SASH1: variants seen among roughly 807,000 people sequenced by gnomAD.
SASH1 encodes the protein SAM and SH3 domain-containing protein 1.
SASH1 carries 44 observed loss-of-function variants against 125.2 expected under a neutral mutation model. That is an observed-to-expected ratio of 0.35 (90% CI 0.28 to 0.45). The LOEUF (loss-of-function observed/expected upper bound fraction) is 0.45. Ranked by LOEUF, SASH1 falls within the 20% of genes least tolerant of loss-of-function variation. The probability of loss-of-function intolerance (pLI) is 1.00; values close to 1 mark genes in which losing one functional copy is unlikely to be tolerated. For synonymous variants in SASH1, 639 were observed against 649.1 expected (o/e 0.98, Z 0.24); for missense variants, 1,426 against 1,614.5 (o/e 0.88, Z 2.00).
At chr6:148,299,565 G>C (rs1023326995) in intron 1 of SASH1, among the ~76,000 whole-genome samples, 1 of 151,580 alleles carries the variant, frequency 6.6e-6, no homozygotes, top group Non-Finnish European at 1.5e-5. Flanking sequence ...TACTCGGGGG[G>C]CTCAGGAAGG....
intron 2 of SASH1, among the ~76,000 whole-genome samples, chr6:148,414,614 G>A (rs1359249993): frequency 6.6e-6 from 1 of 152,190 alleles, no homozygotes; most frequent in East Asian, 1.9e-4. Context: ...TGGAGCTGCA[G>A]CAGTGAGGGA....
chr6:148,362,018 A>G (rs1483034137), intron 1 of SASH1, among the ~76,000 whole-genome samples: 2 of 141,568 alleles, frequency 1.4e-5, no homozygotes, highest in Non-Finnish European at 3.0e-5. Context: ...GGTTCATGCC[A>G]TTCTCCTGCC....
chr6:148,378,830 A>G (rs1455863866), intron 1 of SASH1, among the ~76,000 whole-genome samples: 1 of 152,226 alleles, frequency 6.6e-6, no homozygotes, highest in Non-Finnish European at 1.5e-5. Context: ...ACAGAGGCAG[A>G]CACCATGCTA....
At position 148,508,580 on chromosome 6, in the gene SASH1, C is replaced by G. The variant is rs894501312; in HGVS notation, c.730-5744C>G. 1.1e-5 allele frequency: 13 copies of G among 1,132,040 alleles called. No individual in the cohort carries two copies. In the Admixed American group the frequency reaches 5.4e-4, roughly 47 times the overall value. 70.1% of individuals were successfully genotyped at this position (1,132,040 alleles called of 1,614,324 possible). On this transcript the variant is annotated intron_variant, in intron 8 of 19. Coordinates refer to ENST00000367467, the MANE Select transcript of SASH1 (RefSeq NM_015278.5). ...TAGGAGATTTGCTTAGAGCTGATGA[C>G]TTATGCCTTTCTTGCGAGTTATGCA...
At chr6:148,482,250 C>T (rs1318068458) in intron 7 of SASH1, among the ~76,000 whole-genome samples, 1 of 152,100 alleles carries the variant, frequency 6.6e-6, no homozygotes, top group East Asian at 1.9e-4. Context: ...ATGTCCTTTG[C>T]CATTTTAACT....
At chr6:148,213,320 C>G in the SASH1 span, among the ~76,000 whole-genome samples, 3 of 152,106 alleles carry the variant, frequency 2.0e-5, no homozygotes, top group Non-Finnish European at 4.4e-5. Context: ...TTCAGAGGCT[C>G]CTACCCACGA....
intron 2 of SASH1, among the ~76,000 whole-genome samples, chr6:148,415,684 GCAAT>G (rs1784792139): frequency 6.6e-6 from 1 of 152,088 alleles, no homozygotes; most frequent in Non-Finnish European, 1.5e-5. Flanking sequence ...AAGATTGATA[GCAAT>G]CACCTGAGAG....
At chr6:148,479,443 A>G (rs939655383) in intron 7 of SASH1, 10 of 204,298 alleles carry the variant, frequency 4.9e-5, no homozygotes, top group Non-Finnish European at 7.3e-5. Flanking sequence ...TGAATGTGAC[A>G]TGCCTAATCC....
intron 4 of SASH1, among the ~76,000 whole-genome samples, chr6:148,447,743 C>G (rs1776868699): frequency 6.6e-6 from 1 of 151,684 alleles, no homozygotes. Context: ...TCCTCTTCCT[C>G]CTCCTCCTCC....
chr6:148,448,332 C>T (rs1281148415), intron 4 of SASH1, among the ~76,000 whole-genome samples: 1 of 152,020 alleles, frequency 6.6e-6, no homozygotes, highest in East Asian at 1.9e-4. Context: ...TTCTTCCAGA[C>T]TATGTTTCTT....
At chr6:148,509,200 C>G in intron 8 of SASH1, 1 of 315,090 alleles carries the variant, frequency 3.2e-6, no homozygotes, top group Non-Finnish European at 6.2e-6. Context: ...TTGCACATTG[C>G]TTTTCATAAG....
upstream of SASH1, among the ~76,000 whole-genome samples, chr6:148,271,871 G>A (rs575468198): frequency 4.5e-4 from 68 of 152,224 alleles, no homozygotes; most frequent in African/African-American, 1.6e-3. Context: ...AGAACAATTC[G>A]ATTTCAATTT....
At chr6:148,319,834 G>A (rs1286628795) in intron 1 of SASH1, among the ~76,000 whole-genome samples, 1 of 152,092 alleles carries the variant, frequency 6.6e-6, no homozygotes, top group Non-Finnish European at 1.5e-5. Context: ...GTTTTAAATT[G>A]CACGCCATTC....
intron 8 of SASH1, among the ~76,000 whole-genome samples, chr6:148,490,559 A>T (rs1779067497): frequency 6.6e-6 from 1 of 152,206 alleles, no homozygotes; most frequent in Admixed American, 6.5e-5. Context: ...GCAGAAACAG[A>T]AGGAATTACC....
In SASH1 at chr6:148,532,728, C is replaced by T. The variant is rs995396939; in HGVS notation, c.1565-69C>T. 7 of 1,564,168 alleles carry T rather than the reference C, an allele frequency of 4.5e-6. No individual in the cohort carries two copies. The highest frequency in any genetic ancestry group is 6.1e-6 in the Non-Finnish European group (7 of 1,144,682). Reference sequence around the variant, plus strand: ...TTCATTTCCTAATCTGCCATACCTTCAATACCTTTCTGCTTTGCTGGGTGG... The same window carrying T: ...TTCATTTCCTAATCTGCCATACCTTTAATACCTTTCTGCTTTGCTGGGTGG... On this transcript the variant is annotated intron_variant, in intron 13 of 19. Coordinates refer to ENST00000367467, the MANE Select transcript of SASH1 (RefSeq NM_015278.5). This position sits in a 1 kb window ranked among gnomAD's most constrained non-coding sequence, Gnocchi z 4.7.
intron 1 of SASH1, among the ~76,000 whole-genome samples, chr6:148,366,153 C>T (rs180945561): frequency 6.4e-4 from 97 of 151,820 alleles, no homozygotes; most frequent in Non-Finnish European, 9.7e-4. Context: ...GGCATGGTAG[C>T]GCTGCCTGTA....
At chr6:148,461,102 C>T (rs1409076060) in intron 4 of SASH1, among the ~76,000 whole-genome samples, 1 of 152,236 alleles carries the variant, frequency 6.6e-6, no homozygotes, top group Non-Finnish European at 1.5e-5. Context: ...TTCACTGTCT[C>T]ATGTGATCCT....
chr6:148,364,471 C>T (rs1160792426), intron 1 of SASH1, among the ~76,000 whole-genome samples: 3 of 152,032 alleles, frequency 2.0e-5, no homozygotes, highest in African/African-American at 4.8e-5. Flanking sequence ...TCAAGCTCAG[C>T]GATGGATTAC....
upstream of SASH1, among the ~76,000 whole-genome samples, chr6:148,342,256 G>A (rs539681756): frequency 1.3e-5 from 2 of 152,308 alleles, no homozygotes; most frequent in South Asian, 4.1e-4. Context: ...GAGAAGTCTT[G>A]GCTGGCAGAG....
Sources: gnomAD v4.1 joint callset for allele counts (sites outside exome capture counted in the v4.1 genomes callset) on GRCh38, gnomAD v4.1.1 for gene constraint, Gnocchi (gnomAD v3.1) non-coding constraint, MANE v1.5 for transcripts, NCBI Gene and HGNC (gene_info 2026-07-23, HGNC 2026-07-21) for gene names.